The following ARHGAP25 variants were observed in gnomAD, a reference collection of about 807,000 sequenced individuals.
ARHGAP25 encodes the protein Rho GTPase activating protein 25, also known as rho GTPase-activating protein 25.
Under a neutral mutation model 71.0 loss-of-function variants are expected in ARHGAP25, and 34 were observed. The ratio of observed to expected loss-of-function variants is 0.48; its 90% CI spans 0.36 to 0.64. ARHGAP25 has a LOEUF of 0.64. Ranked by LOEUF, ARHGAP25 falls within the 30% of genes least tolerant of loss-of-function variation. The pLI is 0.00. For synonymous variants in ARHGAP25, 282 were observed against 296.5 expected (o/e 0.95, Z 0.50); for missense variants, 706 against 805.1 (o/e 0.88, Z 1.49).
chr2:68,813,995 A>G (rs774114315), intron 6 of ARHGAP25, among the ~76,000 whole-genome samples: 2 of 152,244 alleles, frequency 1.3e-5, no homozygotes, highest in Non-Finnish European at 2.9e-5. Context: ...CTTATAGTCA[A>G]CAATGACCAC....
rs1182715402 is a variant in ARHGAP25, at chr2:68,720,723, C to T, written c.-18+10025C>T. ...TTTTTATCTGGTGTCAGGATTATAA[C>T]TCCCCCCTCTCCTACCTACCCCTTA... On this transcript the variant is annotated intron_variant and NMD_transcript_variant, in intron 2 of 7. Transcript: ENST00000463483. Among the ~76,000 whole-genome samples, 7 of 152,174 alleles carry T rather than the reference C, an allele frequency of 4.6e-5. No homozygotes were observed. In the South Asian group the frequency reaches 1.4e-3, roughly 32 times the overall value.
intron 1 of ARHGAP25, among the ~76,000 whole-genome samples, chr2:68,736,694 A>C (rs934911511): frequency 6.6e-6 from 1 of 152,200 alleles, no homozygotes; most frequent in African/African-American, 2.4e-5. Context: ...AGTGAATTTC[A>C]TGATTTTTAC....
chr2:68,818,215 A>C (rs1681371837), intron 8 of ARHGAP25, among the ~76,000 whole-genome samples: 1 of 152,246 alleles, frequency 6.6e-6, no homozygotes. Context: ...CAATGGTCCC[A>C]CAGTGCAGTA....
At chr2:68,775,151 C>T (rs769203929) in intron 1 of ARHGAP25, 70 bp from the exon 2 acceptor site, 18 of 1,612,782 alleles carry the variant, frequency 1.1e-5, no homozygotes, top group Non-Finnish European at 1.5e-5. Flanking sequence ...GTTCCTCTCT[C>T]CTCTCCGCCC....
intron 1 of ARHGAP25, among the ~76,000 whole-genome samples, chr2:68,753,901 T>C (rs1676326945): frequency 7.1e-6 from 1 of 140,540 alleles, no homozygotes; most frequent in Non-Finnish European, 1.6e-5. Flanking sequence ...TTCGGTAAGA[T>C]GTATTTTTTT....
chr2:68,787,471 C>T (rs116837769), intron 3 of ARHGAP25, among the ~76,000 whole-genome samples: 160 of 152,342 alleles, frequency 1.1e-3, no homozygotes, highest in African/African-American at 3.7e-3. Flanking sequence ...CCACGGTTGG[C>T]GTGATGATCT....
intron 2 of ARHGAP25, chr2:68,775,628 C>T (rs10445945): frequency 0.35 from 275,136 of 796,282 alleles, 48,788 homozygotes; most frequent in Middle Eastern, 0.4. Context: ...AGCACCAGGA[C>T]GGGCACTGTG....
chr2:68,791,655 G>A (rs10208669), intron 4 of ARHGAP25, among the ~76,000 whole-genome samples: 66,137 of 151,766 alleles, frequency 0.44, 14,683 homozygotes, highest in African/African-American at 0.47. Flanking sequence ...CCTGTAGCCC[G>A]TCTGTACACC....
intron 2 of ARHGAP25, among the ~76,000 whole-genome samples, chr2:68,776,875 CA>C (rs1457257946): frequency 7.2e-6 from 1 of 138,316 alleles, no homozygotes; most frequent in African/African-American, 2.7e-5. Context: ...TGGGTGGGAC[CA>C]AAATGAAAAG....
intron 2 of ARHGAP25, among the ~76,000 whole-genome samples, chr2:68,778,728 T>C (rs143191780): frequency 1.7e-3 from 262 of 152,296 alleles, no homozygotes; most frequent in Middle Eastern, 0.01. Flanking sequence ...GTCTACGAAG[T>C]TCCAAAAGAA....
chr2:68,745,536 C>A (rs1404558662), intron 1 of ARHGAP25, among the ~76,000 whole-genome samples: 1 of 152,164 alleles, frequency 6.6e-6, no homozygotes, highest in Admixed American at 6.5e-5. Context: ...TAACCCCTAA[C>A]CCTATTTAAA....
chr2:68,790,092 G>T (rs988643697), intron 4 of ARHGAP25, among the ~76,000 whole-genome samples: 3 of 152,112 alleles, frequency 2.0e-5, no homozygotes, highest in Non-Finnish European at 4.4e-5. Flanking sequence ...GGGTTTGAGC[G>T]ATTCTCCTAC....
chr2:68,763,221 CA>C (rs1162091440), intron 1 of ARHGAP25, among the ~76,000 whole-genome samples: 1 of 152,178 alleles, frequency 6.6e-6, no homozygotes, highest in South Asian at 2.1e-4. Context: ...AACAAAATTG[CA>C]AAGTGTCACA....
rs1675999134 is a variant in ARHGAP25 at position 68,748,982 on chromosome 2, A to G, written c.61+13722A>G. Reference sequence around the variant, plus strand: ...GAGAATTAAACCTCAGTTTTGTAGTATGGGCAGTTAGGTTTAGTGGGTAAC... The same window carrying G: ...GAGAATTAAACCTCAGTTTTGTAGTGTGGGCAGTTAGGTTTAGTGGGTAAC... On this transcript the variant is annotated intron_variant, in intron 1 of 10. Transcript: ENST00000409202. Among the ~76,000 whole-genome samples the G allele has an allele frequency of 2.0e-5, 3 of 152,144 alleles. No individual in the cohort carries two copies. In the South Asian group the frequency reaches 6.2e-4, roughly 32 times the overall value.
At chr2:68,808,151 C>T (rs1680515641) in intron 5 of ARHGAP25, among the ~76,000 whole-genome samples, 1 of 152,072 alleles carries the variant, frequency 6.6e-6, no homozygotes, top group Non-Finnish European at 1.5e-5. Context: ...TCCTTCTCTG[C>T]CACACTCAGC....
chr2:68,811,315 A>T (rs2311417), intron 5 of ARHGAP25, among the ~76,000 whole-genome samples: 34,869 of 151,956 alleles, frequency 0.23, 4,247 homozygotes, highest in East Asian at 0.43. Context: ...ATGCTGATAG[A>T]GACAAATGGG....
At chr2:68,800,673 G>A (rs1177420623) in intron 4 of ARHGAP25, among the ~76,000 whole-genome samples, 1 of 152,006 alleles carries the variant, frequency 6.6e-6, no homozygotes, top group Non-Finnish European at 1.5e-5. Context: ...AGAATCACAG[G>A]GTAAATATGA....
chr2:68,760,033 G>A (rs1312470160), intron 1 of ARHGAP25, among the ~76,000 whole-genome samples: 1 of 151,992 alleles, frequency 6.6e-6, no homozygotes, highest in South Asian at 2.1e-4. Context: ...GTGATTCAAC[G>A]TAGAAGAATC....
chr2:68,737,103 TC>T (rs1182546933), intron 1 of ARHGAP25, among the ~76,000 whole-genome samples: 1 of 152,208 alleles, frequency 6.6e-6, no homozygotes, highest in Non-Finnish European at 1.5e-5. Flanking sequence ...CTTGTCATTA[TC>T]CATGCTATCT....
Sources: allele counts gnomAD v4.1 joint callset (sites outside exome capture counted in the v4.1 genomes callset), GRCh38; gene constraint gnomAD v4.1.1; transcripts MANE v1.5; gene names NCBI Gene and HGNC (gene_info 2026-07-23, HGNC 2026-07-21).